The following ITGA3 variants were observed in gnomAD, a reference collection of about 807,000 sequenced individuals.
The protein encoded by ITGA3 is integrin alpha-3.
In ITGA3, 70 loss-of-function variants were observed where a neutral mutation model predicts 131.1. That is an observed-to-expected ratio of 0.53 (90% CI 0.44 to 0.65). The LOEUF (loss-of-function observed/expected upper bound fraction) is 0.65. ITGA3 is among the 30% of genes least tolerant of loss of function. The pLI is 0.00. For synonymous variants in ITGA3, 537 were observed against 571.6 expected, an observed-to-expected ratio of 0.94 and a Z score of 0.86; for missense variants, 1,098 against 1,388.6, an observed-to-expected ratio of 0.79 and a Z score of 3.33.
In ITGA3 at chr17:50,068,420, G is replaced by A. The variant is rs9906470; in HGVS notation, c.664+115G>A. On this transcript the variant is annotated intron_variant, in intron 4 of 25. Transcript: ENST00000320031. The stretch of plus-strand genomic sequence containing the variant: ...ACACTAGAAACAGGACCTCATGCCA[G>A]TATCAGCAACCACCATGACTTCTAC... 0.016 allele frequency: 17,852 copies of A among 1,139,398 alleles called. 1,959 individuals are homozygous for A. In the African/African-American group the frequency reaches 0.24, roughly 15 times the overall value. 70.6% of individuals were successfully genotyped at this position (1,139,398 alleles called of 1,614,324 possible). A position where few individuals can be genotyped will look rare whatever the true frequency, so the allele number is the denominator to read the frequency against.
At position 50,066,632 on chromosome 17, in the gene ITGA3, C is replaced by T. The variant is rs114268434; in HGVS notation, c.415-1424C>T. On this transcript the variant is annotated intron_variant, in intron 3 of 25. Coordinates refer to ENST00000320031, the MANE Select transcript of ITGA3 (RefSeq NM_002204.4). ...TCTACCAAAAATATATAAATTAGCC[C>T]GGCATGGTGGTATGCGCCTGTAATC... 2.8e-3 allele frequency among the ~76,000 whole-genome samples: 433 copies of T among 151,994 alleles called. 3 individuals are homozygous for T. Among genetic ancestry groups the T allele is most frequent in the African/African-American group, 0.01 (419 of 41,452 alleles).
Position 50,079,569 on chromosome 17 carries a change from G to C in ITGA3, c.2706+12G>C, listed in dbSNP as rs1472362877. ...CTGAGACTGTGCTGGTGAGTGGCCA[G>C]GGCGAGGTTGGAGGGGATTGCATCC... On this transcript the variant is annotated intron_variant, in intron 21 of 25. Coordinates refer to ENST00000320031, the MANE Select transcript of ITGA3 (RefSeq NM_002204.4). The C allele has an allele frequency of 2.6e-6, 4 of 1,513,864 alleles. No individual in the cohort carries two copies. Among genetic ancestry groups the C allele is most frequent in the African/African-American group, 2.8e-5 (2 of 71,832 alleles). 93.8% of individuals were successfully genotyped at this position (1,513,864 alleles called of 1,614,324 possible). A position where few individuals can be genotyped will look rare whatever the true frequency, so the allele number is the denominator to read the frequency against.
At chr17:50,089,018 G>A in intron 25 of ITGA3, 92 bp from the exon 26 acceptor site, 1 of 968,304 alleles carries the variant, frequency 1.0e-6, no homozygotes, top group East Asian at 2.4e-5. Context: ...GCTTTGAGGA[G>A]TTCTGGGTGG....
Position 50,087,790 on chromosome 17 carries a change from A to G in ITGA3, c.2966A>G (p.Glu989Gly). 1 of 1,613,258 alleles carries G rather than the reference A, an allele frequency of 6.2e-7. No homozygotes were observed. The highest frequency in any genetic ancestry group is 8.5e-7 in the Non-Finnish European group (1 of 1,179,788). ...DSELVEELPA[E>G]IELWLVLVAV... is the part of the protein sequence containing the mutation. ...GAGCTGGTGGAGGAGCTGCCGGCCGAAATCGAGCTGTGGCTGGTGCTGGTG... is the reference window on the plus strand; with the variant it reads ...GAGCTGGTGGAGGAGCTGCCGGCCGGAATCGAGCTGTGGCTGGTGCTGGTG... The change falls in exon 24 of 26, where the codon GAA becomes GGA. Residue 989 changes from glutamate to glycine, a missense_variant. Glu to Gly is a moderately conservative substitution (Grantham distance 98). Coordinates refer to ENST00000320031, the MANE Select transcript of ITGA3 (RefSeq NM_002204.4).
chr17:50,064,350 A>G lies in ITGA3; in HGVS notation c.334+146A>G, dbSNP rs1908230176. ...AGCTGGGAAGAGGGTGCCCTAGAGGAGAGTGGGGCTGGATGGGATTGGTAG... is the reference window on the plus strand; with the variant it reads ...AGCTGGGAAGAGGGTGCCCTAGAGGGGAGTGGGGCTGGATGGGATTGGTAG... On this transcript the variant is annotated intron_variant, in intron 2 of 25. Transcript: ENST00000320031. The surrounding 1 kb of genome is among the most constrained non-coding windows in gnomAD (Gnocchi z 4.4). 3.4e-6 allele frequency: 4 copies of G among 1,189,104 alleles called. No homozygotes were observed. The Admixed American group carries it at 6.3e-5, about 19-fold the overall frequency. 73.7% of individuals were successfully genotyped at this position (1,189,104 alleles called of 1,614,324 possible).
chr17:50,066,550 G>A (rs1908357039), intron 3 of ITGA3, among the ~76,000 whole-genome samples: 1 of 152,114 alleles, frequency 6.6e-6, no homozygotes, highest in African/African-American at 2.4e-5. Flanking sequence ...TGAGGCAGGA[G>A]GATCGTTTGA....
rs185857419 is a variant in ITGA3, at chr17:50,064,898, C to T, written c.414+291C>T. On this transcript the variant is annotated intron_variant, in intron 3 of 25. Coordinates refer to ENST00000320031, the MANE Select transcript of ITGA3 (RefSeq NM_002204.4). The surrounding 1 kb of genome is among the most constrained non-coding windows in gnomAD (Gnocchi z 4.4). ...CTTCGTGGGAACAAGCCGAGGGAGC[C>T]GAGGGAACTGCAAGGAGGAGAAAGG... is the stretch of plus-strand genomic sequence containing the variant. 6.2e-5 allele frequency: 19 copies of T among 305,762 alleles called. No homozygotes were observed. Among genetic ancestry groups the T allele is most frequent in the Non-Finnish European group, 8.5e-5 (14 of 164,974 alleles). The allele number at this position is 305,762 out of a possible 1,614,324, so 18.9% of individuals were successfully genotyped here.
chr17:50,090,001 C>T lies in ITGA3; in HGVS notation c.*923C>T, dbSNP rs553965341. 22 of 252,850 alleles carry T rather than the reference C, an allele frequency of 8.7e-5. No individual in the cohort carries two copies. Among genetic ancestry groups the T allele is most frequent in the African/African-American group, 4.0e-4 (18 of 44,472 alleles). The allele number at this position is 252,850 out of a possible 1,614,324, so 15.7% of individuals were successfully genotyped here. On this transcript the variant is annotated 3_prime_UTR_variant, in exon 26 of 26. Transcript: ENST00000320031. ...CTGGGCTCACTGTGCTGGGGCACGG[C>T]GGGATCCTCCACAGAGAGGAGGGGA...
chr17:50,066,401 C>T (rs140812330), intron 3 of ITGA3, among the ~76,000 whole-genome samples: 2,005 of 146,898 alleles, frequency 0.014, 74 homozygotes, highest in East Asian at 0.12. Flanking sequence ...CTCACTGTAG[C>T]CTTGAACTCC....
intron 1 of ITGA3, among the ~76,000 whole-genome samples, chr17:50,063,084 T>TGGCCCAA (rs1376586268): frequency 4.6e-5 from 7 of 152,260 alleles, no homozygotes; most frequent in African/African-American, 1.7e-4. Context: ...TCCTCTAAGA[T>TGGCCCAA]GGCATTTCAG....
At position 50,076,358 on chromosome 17, in the gene ITGA3, C is replaced by T; in HGVS notation, c.1707C>T (p.Ile569=). ...DNLRDKLRPI[I]ISMNYSLPLR... Reference sequence around the variant, plus strand: ...TCCGTGACAAACTCCGCCCCATCATCATCTCCATGAACTACTCTTTACCTT... The same window carrying T: ...TCCGTGACAAACTCCGCCCCATCATTATCTCCATGAACTACTCTTTACCTT... Residue 569 remains isoleucine (I), a synonymous_variant, in exon 13 of 26, where the codon ATC becomes ATT. Coordinates refer to ENST00000320031, the MANE Select transcript of ITGA3 (RefSeq NM_002204.4). 1.2e-6 allele frequency: 2 copies of T among 1,613,812 alleles called. No homozygotes were observed. Among genetic ancestry groups the T allele is most frequent in the Non-Finnish European group, 1.7e-6 (2 of 1,179,990 alleles).
chr17:50,077,273 G>T, intron 15 of ITGA3, 106 bp from the exon 16 acceptor site: 1 of 1,330,378 alleles, frequency 7.5e-7, no homozygotes, highest in South Asian at 1.3e-5. Flanking sequence ...CTGCTGCTTG[G>T]AGAATCCGGC....
intron 1 of ITGA3, among the ~76,000 whole-genome samples, chr17:50,057,100 C>A (rs1179173001): frequency 6.6e-6 from 1 of 152,222 alleles, no homozygotes; most frequent in Non-Finnish European, 1.5e-5. Flanking sequence ...CCAGCCACAC[C>A]CTCTGCAGAG....
chr17:50,064,339 T>A lies in ITGA3; in HGVS notation c.334+135T>A. 1 of 1,265,894 alleles carries A rather than the reference T, an allele frequency of 7.9e-7. No individual in the cohort carries two copies. The highest frequency in any genetic ancestry group is 1.4e-5 in the South Asian group (1 of 71,112). 78.4% of individuals were successfully genotyped at this position (1,265,894 alleles called of 1,614,324 possible). ...GCTTCTTGTCCAGCTGGGAAGAGGG[T>A]GCCCTAGAGGAGAGTGGGGCTGGAT... On this transcript the variant is annotated intron_variant, in intron 2 of 25. Transcript: ENST00000320031. This position sits in a 1 kb window ranked among gnomAD's most constrained non-coding sequence, Gnocchi z 4.4.
chr17:50,057,291 T>C (rs1316220963), intron 1 of ITGA3, among the ~76,000 whole-genome samples: 1 of 152,172 alleles, frequency 6.6e-6, no homozygotes, highest in Non-Finnish European at 1.5e-5. Context: ...CCGCAAGCAG[T>C]GGCACTCTCC....
intron 23 of ITGA3, 137 bp from the exon 24 acceptor site, chr17:50,087,607 A>T: frequency 1.1e-6 from 1 of 938,522 alleles, no homozygotes; most frequent in Non-Finnish European, 1.6e-6. Context: ...GGGCAGGCAC[A>T]GGCTTTTTCC....
chr17:50,069,619 T>C (rs971322761), intron 4 of ITGA3, among the ~76,000 whole-genome samples: 3 of 152,216 alleles, frequency 2.0e-5, no homozygotes, highest in Non-Finnish European at 2.9e-5. Flanking sequence ...TGAGCTGCGA[T>C]TGTGCCACTG....
At position 50,071,845 on chromosome 17, in the gene ITGA3, T is replaced by C. The variant is rs188016967; in HGVS notation, c.960-141T>C. 1.7e-4 allele frequency: 119 copies of C among 717,318 alleles called. No homozygotes were observed. The African/African-American group carries it at 2.0e-3, about 12-fold the overall frequency. The allele number at this position is 717,318 out of a possible 1,614,324, so 44.4% of individuals were successfully genotyped here. A position where few individuals can be genotyped will look rare whatever the true frequency, so the allele number is the denominator to read the frequency against. On this transcript the variant is annotated intron_variant, in intron 6 of 25. Transcript: ENST00000320031. ...CATCTCCATGTCCTTCCCATGCACATGTCCTTCCCACCCATGACCTGTGGC... is the reference window on the plus strand; with the variant it reads ...CATCTCCATGTCCTTCCCATGCACACGTCCTTCCCACCCATGACCTGTGGC...
intron 23 of ITGA3, among the ~76,000 whole-genome samples, chr17:50,083,672 C>T (rs976811522): frequency 6.9e-6 from 1 of 145,814 alleles, no homozygotes; most frequent in Admixed American, 7.0e-5. Context: ...TGCAGTGAGT[C>T]GTGATCATGC....
Sources: gnomAD v4.1 joint callset for allele counts (sites outside exome capture counted in the v4.1 genomes callset) on GRCh38, gnomAD v4.1.1 for gene constraint, Gnocchi (gnomAD v3.1) non-coding constraint, MANE v1.5 for transcripts, NCBI Gene and HGNC (gene_info 2026-07-23, HGNC 2026-07-21) for gene names.